ANO2: variants seen among roughly 807,000 people sequenced by gnomAD.
ANO2 encodes the protein anoctamin 2.
A neutral mutation model predicts 124.2 loss-of-function variants in ANO2; 101 were observed. The ratio of observed to expected loss-of-function variants is 0.81; its 90% CI spans 0.69 to 0.96. The LOEUF is 0.96. Ranked by LOEUF, ANO2 falls within the 40% of genes least tolerant of loss-of-function variation. The probability of loss-of-function intolerance (pLI) is 0.00; values close to 1 mark genes in which losing one functional copy is unlikely to be tolerated. For synonymous variants in ANO2, 486 were observed against 482.5 expected, an observed-to-expected ratio of 1.01 and a Z score of -0.09; for missense variants, 1,293 against 1,274.5, an observed-to-expected ratio of 1.01 and a Z score of -0.22.
At chr12:5,841,821 CA>C (rs1266095848) in intron 4 of ANO2, among the ~76,000 whole-genome samples, 131 of 152,292 alleles carry the variant, frequency 8.6e-4, no homozygotes, top group Middle Eastern at 3.4e-3. Flanking sequence ...GCTCTCTTGT[CA>C]TAACCCAGTC....
In ANO2 at chr12:5,945,201, G is replaced by T. The variant is rs914025517; in HGVS notation, c.17C>A (p.Pro6Gln). The stretch of plus-strand genomic sequence containing the variant: ...GGTCCAGCCGGAAAACTCACCGCGC[G>T]GCCCGGGAGTCGCCATGATGTGGAC... MATPG[P>Q]RDIPLLPGSP... Residue 6 changes from proline (P) to glutamine (Q), a missense_variant, in exon 1 of 25, where the codon CCG becomes CAG. Coordinates refer to ENST00000682330, the MANE Select transcript of ANO2 (RefSeq NM_001364791.2). 3 of 1,288,574 alleles carry T rather than the reference G, an allele frequency of 2.3e-6. No individual in the cohort carries two copies. In the African/African-American group the frequency reaches 4.6e-5, roughly 20 times the overall value. The allele number at this position is 1,288,574 out of a possible 1,614,324, so 79.8% of individuals were successfully genotyped here. A position where few individuals can be genotyped will look rare whatever the true frequency, so the allele number is the denominator to read the frequency against.
In ANO2 at chr12:5,612,680, T is replaced by C; in HGVS notation, c.2063A>G (p.Asn688Ser). 1.9e-6 allele frequency: 3 copies of C among 1,613,938 alleles called. No homozygotes were observed. The highest frequency in any genetic ancestry group is 2.5e-6 in the Non-Finnish European group (3 of 1,179,856). The change falls in exon 19 of 25, where the codon AAC becomes AGC. Residue 688 changes from asparagine to serine, a missense_variant. Asn to Ser is a conservative substitution (Grantham distance 46, BLOSUM62 1). Transcript: ENST00000682330. ...IIMLGKQLIQ[N>S]NIFEIGVPKL... ...CGGGACTCCAATCTCAAAGATGTTGTTCTGGATCAACTGCTTCCCCAACAT... is the reference window on the plus strand; with the variant it reads ...CGGGACTCCAATCTCAAAGATGTTGCTCTGGATCAACTGCTTCCCCAACAT...
intron 2 of ANO2, 69 bp downstream of exon 2, chr12:5,922,551 C>T (rs1941755662): frequency 1.4e-6 from 2 of 1,464,468 alleles, no homozygotes; most frequent in South Asian, 1.4e-5. Context: ...ATCCCCCAGA[C>T]CAGAGGCTCC....
At chr12:5,799,417 C>G in intron 10 of ANO2, 90 bp downstream of exon 10, 1 of 1,119,820 alleles carries the variant, frequency 8.9e-7, no homozygotes, top group East Asian at 2.5e-5. Context: ...TCCACTTGAG[C>G]AAAGGACTGT....
rs562987254 is a variant in ANO2, at chr12:5,943,656, AC to A, written c.22+1539del. On this transcript the variant is annotated intron_variant, in intron 1 of 24. Transcript: ENST00000682330. ...AGCAAAACCCCGTACCCTAAAAACT[AC>A]TGACATTTTTAAAACAATTTTTAAA... 5.0e-4 allele frequency among the ~76,000 whole-genome samples: 76 copies of A among 152,290 alleles called. 1 individual carries two copies. The highest frequency in any genetic ancestry group is 1.8e-3 in the African/African-American group (74 of 41,554).
chr12:5,710,889 C>T (rs527285620), intron 14 of ANO2, among the ~76,000 whole-genome samples: 1 of 152,164 alleles, frequency 6.6e-6, no homozygotes, highest in African/African-American at 2.4e-5. Flanking sequence ...GGGCCGGGCG[C>T]GGTGGCTCAC....
chr12:5,753,630 T>G (rs951822544), intron 10 of ANO2, among the ~76,000 whole-genome samples: 1 of 152,230 alleles, frequency 6.6e-6, no homozygotes, highest in Admixed American at 6.5e-5. Context: ...AACTTATTCC[T>G]AGGTATTTTA....
Position 5,760,292 on chromosome 12 carries a change from G to A in ANO2, c.1056-9322C>T, listed in dbSNP as rs530070904. On this transcript the variant is annotated intron_variant, in intron 10 of 24. Transcript: ENST00000682330. ...TTTCCCCTTAGATAATATTAATTATGGATGTCTGAGGAGAAAAATGCAATC... is the reference window on the plus strand; with the variant it reads ...TTTCCCCTTAGATAATATTAATTATAGATGTCTGAGGAGAAAAATGCAATC... 1.1e-4 allele frequency among the ~76,000 whole-genome samples: 17 copies of A among 152,230 alleles called. No individual in the cohort carries two copies. In the South Asian group the frequency reaches 1.7e-3, roughly 15 times the overall value.
At chr12:5,701,572 C>T (rs1463920927) in intron 14 of ANO2, among the ~76,000 whole-genome samples, 2 of 152,192 alleles carry the variant, frequency 1.3e-5, no homozygotes, top group Non-Finnish European at 2.9e-5. Flanking sequence ...AAAATTGTCA[C>T]ATCCACTTAA....
chr12:5,596,904 ACTC>A (rs1460868673), intron 20 of ANO2, among the ~76,000 whole-genome samples: 5 of 151,672 alleles, frequency 3.3e-5, no homozygotes, highest in Middle Eastern at 3.2e-3. Context: ...TTCATTCACT[ACTC>A]CTGACAATCC....
intron 3 of ANO2, among the ~76,000 whole-genome samples, chr12:5,867,432 TGAGAGACACCAA>T (rs2137275349): frequency 6.6e-6 from 1 of 152,242 alleles, no homozygotes; most frequent in East Asian, 1.9e-4. Flanking sequence ...ATGGATGAAG[TGAGAGACACCAA>T]ACATGCTTCG....
intron 10 of ANO2, among the ~76,000 whole-genome samples, chr12:5,760,541 G>A (rs1377939315): frequency 6.6e-6 from 1 of 152,132 alleles, no homozygotes; most frequent in African/African-American, 2.4e-5. Flanking sequence ...AGAGGACACA[G>A]AAGAGTGTAA....
chr12:5,684,175 C>T (rs1204774456), intron 14 of ANO2, among the ~76,000 whole-genome samples: 2 of 152,164 alleles, frequency 1.3e-5, no homozygotes, highest in South Asian at 2.1e-4. Context: ...CCTCTGCTCG[C>T]CATGTGGCAC....
At chr12:5,604,456 A>G (rs1485771380) in intron 19 of ANO2, among the ~76,000 whole-genome samples, 1 of 152,208 alleles carries the variant, frequency 6.6e-6, no homozygotes. Context: ...AAGCCCTAGG[A>G]ATGAGCAATG....
At chr12:5,772,197 G>C (rs1952103080) in intron 10 of ANO2, among the ~76,000 whole-genome samples, 1 of 152,094 alleles carries the variant, frequency 6.6e-6, no homozygotes, top group Admixed American at 6.5e-5. Context: ...TTTTCCTCTA[G>C]ATGATGTTCA....
At chr12:5,914,737 G>A (rs1941280103) in intron 3 of ANO2, among the ~76,000 whole-genome samples, 1 of 152,170 alleles carries the variant, frequency 6.6e-6, no homozygotes, top group African/African-American at 2.4e-5. Flanking sequence ...CAAGGATGAA[G>A]CTTGGGGCCA....
intron 13 of ANO2, among the ~76,000 whole-genome samples, chr12:5,738,237 T>G (rs1950953758): frequency 6.6e-6 from 1 of 152,222 alleles, no homozygotes; most frequent in African/African-American, 2.4e-5. Flanking sequence ...GCCACAGATG[T>G]GGGGACATAC....
intron 2 of ANO2, among the ~76,000 whole-genome samples, chr12:5,921,936 A>G (rs1010718309): frequency 3.9e-5 from 6 of 152,184 alleles, no homozygotes; most frequent in Non-Finnish European, 1.5e-5. Flanking sequence ...ATTTAAACAC[A>G]GAATACTCAC....
chr12:5,812,099 A>C, intron 7 of ANO2, among the ~76,000 whole-genome samples: 1 of 43,062 alleles, frequency 2.3e-5, no homozygotes, highest in Non-Finnish European at 4.6e-5. Context: ...ATGGGAGGGG[A>C]GGGGAGGCGA....
Sources: gnomAD v4.1 joint callset for allele counts (sites outside exome capture counted in the v4.1 genomes callset) on GRCh38, gnomAD v4.1.1 for gene constraint, MANE v1.5 for transcripts, NCBI Gene and HGNC (gene_info 2026-07-23, HGNC 2026-07-21) for gene names.